ANKRD31: variants seen among roughly 807,000 people sequenced by gnomAD.
The protein encoded by ANKRD31 is ankyrin repeat domain 31, also known as ankyrin repeat domain-containing protein 31.
ANKRD31 carries 147 observed loss-of-function variants against 186.0 expected under a neutral mutation model. That is an observed-to-expected ratio of 0.79 (90% CI 0.69 to 0.91). The LOEUF (loss-of-function observed/expected upper bound fraction) is 0.91, where lower values mean the gene tolerates loss of function less well. ANKRD31 is among the 40% of genes least tolerant of loss of function. The pLI, the probability that ANKRD31 is intolerant of heterozygous loss-of-function variation, is 0.00. For missense variants in ANKRD31, 1,986 were observed against 2,148.8 expected, an observed-to-expected ratio of 0.92 and a Z score of 1.50; for synonymous variants, 673 against 736.4, an observed-to-expected ratio of 0.91 and a Z score of 1.39.
Position 75,116,584 on chromosome 5 carries a change from T to C in ANKRD31, c.4137A>G (p.Ser1379=). 2 of 1,440,054 alleles carry C rather than the reference T, an allele frequency of 1.4e-6. No individual in the cohort carries two copies. Among genetic ancestry groups the C allele is most frequent in the Non-Finnish European group, 9.2e-7 (1 of 1,090,818 alleles). 89.2% of individuals were successfully genotyped at this position (1,440,054 alleles called of 1,614,324 possible). The change falls in exon 19 of 26, where the codon TCA becomes TCG. Residue 1379 remains serine (S), a synonymous_variant. Transcript: ENST00000506364. ...DSSSLSHQER[S]RESLSVHQTL... ...CACTCACCACAGAAAGGCTTTCTCTTGATCTTTCTTGGTGTGAAAGGGAAG... is the reference window on the plus strand; with the variant it reads ...CACTCACCACAGAAAGGCTTTCTCTCGATCTTTCTTGGTGTGAAAGGGAAG...
chr5:75,230,240 A>G lies in ANKRD31; in HGVS notation c.178+322T>C, dbSNP rs971403961. Among the ~76,000 whole-genome samples the G allele has an allele frequency of 3.9e-5, 6 of 152,216 alleles. No homozygotes were observed. In the East Asian group the frequency reaches 9.7e-4, roughly 25 times the overall value. ...CCAGGATAGGCTTTGGTCACACTCA[A>G]CCCTGAAGTGGAATAACTGGGTTAA... On this transcript the variant is annotated intron_variant, in intron 2 of 25. Transcript: ENST00000506364.
chr5:75,139,385 A>G (rs1359453778), intron 15 of ANKRD31, among the ~76,000 whole-genome samples: 1 of 152,212 alleles, frequency 6.6e-6, no homozygotes, highest in African/African-American at 2.4e-5. Flanking sequence ...CATAGGTGCC[A>G]AGTAACAAAC....
chr5:75,148,700 G>A (rs941264767), intron 12 of ANKRD31, 72 bp from the exon 13 acceptor site: 2 of 1,164,086 alleles, frequency 1.7e-6, no homozygotes, highest in Admixed American at 2.9e-5. Context: ...AAACCCACCA[G>A]TCCTTTGCCA....
At chr5:75,211,242 C>T (rs904149131) in intron 3 of ANKRD31, among the ~76,000 whole-genome samples, 3 of 152,156 alleles carry the variant, frequency 2.0e-5, no homozygotes, top group Non-Finnish European at 4.4e-5. Flanking sequence ...ATAAGAGATA[C>T]AAAATTTTAA....
chr5:75,160,440 A>C (rs1017423311), intron 11 of ANKRD31, among the ~76,000 whole-genome samples: 1 of 152,246 alleles, frequency 6.6e-6, no homozygotes, highest in Non-Finnish European at 1.5e-5. Context: ...AAAAGATGAG[A>C]TAGACTGAAA....
chr5:75,123,204 C>CA (rs1748935900), intron 17 of ANKRD31, among the ~76,000 whole-genome samples: 1 of 150,588 alleles, frequency 6.6e-6, no homozygotes, highest in African/African-American at 2.4e-5. Flanking sequence ...ACAATAGCTA[C>CA]AAAAAATAAA....
intron 6 of ANKRD31, among the ~76,000 whole-genome samples, chr5:75,197,980 C>G (rs1020913102): frequency 2.0e-5 from 3 of 152,084 alleles, no homozygotes; most frequent in African/African-American, 7.2e-5. Context: ...AACCTTGAAC[C>G]AAGAAGACAG....
chr5:75,089,526 TTACTC>T (rs1745767721), intron 23 of ANKRD31, among the ~76,000 whole-genome samples: 1 of 152,038 alleles, frequency 6.6e-6, no homozygotes, highest in Non-Finnish European at 1.5e-5. Flanking sequence ...AATTCAGGAG[TTACTC>T]CAAGACAAGA....
intron 15 of ANKRD31, among the ~76,000 whole-genome samples, chr5:75,140,720 C>T (rs1750990896): frequency 6.6e-6 from 1 of 152,184 alleles, no homozygotes; most frequent in Non-Finnish European, 1.5e-5. Context: ...TGCAAGTAGC[C>T]ATGTTGGAGA....
intron 2 of ANKRD31, among the ~76,000 whole-genome samples, chr5:75,223,063 G>A (rs747136897): frequency 6.6e-6 from 1 of 152,176 alleles, no homozygotes; most frequent in African/African-American, 2.4e-5. Flanking sequence ...CGCACCAACA[G>A]TGTAAAAGCA....
At chr5:75,188,353 G>A (rs984649174) in intron 10 of ANKRD31, 140 bp downstream of exon 10, 3 of 754,386 alleles carry the variant, frequency 4.0e-6, no homozygotes, top group South Asian at 2.4e-5. Context: ...ATGGTGATGA[G>A]CTACTTCAAC....
At chr5:75,161,013 A>G (rs6894048) in intron 11 of ANKRD31, among the ~76,000 whole-genome samples, 77,238 of 151,994 alleles carry the variant, frequency 0.51, 22,684 homozygotes, top group African/African-American at 0.82. Flanking sequence ...GTCTTTATCA[A>G]CAGTGTAAAA....
At chr5:75,096,668 T>A (rs1033849795) in intron 22 of ANKRD31, among the ~76,000 whole-genome samples, 16 of 137,090 alleles carry the variant, frequency 1.2e-4, no homozygotes, top group East Asian at 5.8e-4. Context: ...TTAAAAAAAT[T>A]TTTTTTTTAT....
At chr5:75,180,935 G>A (rs1343372520) in intron 10 of ANKRD31, among the ~76,000 whole-genome samples, 3 of 152,024 alleles carry the variant, frequency 2.0e-5, no homozygotes, top group South Asian at 4.2e-4. Flanking sequence ...CACCATCAGA[G>A]TGAACAGGCA....
intron 3 of ANKRD31, 63 bp downstream of exon 3, chr5:75,222,186 C>T: frequency 1.7e-6 from 2 of 1,167,490 alleles, no homozygotes; most frequent in Non-Finnish European, 2.3e-6. Flanking sequence ...TAGTAATTTG[C>T]CACTCTGAGC....
intron 10 of ANKRD31, among the ~76,000 whole-genome samples, chr5:75,186,821 A>C (rs919484609): frequency 6.6e-6 from 1 of 152,168 alleles, no homozygotes; most frequent in Non-Finnish European, 1.5e-5. Context: ...CATTTTGTTC[A>C]TTTCTCACAG....
intron 11 of ANKRD31, among the ~76,000 whole-genome samples, chr5:75,166,518 C>T (rs1752936428): frequency 1.3e-5 from 2 of 152,052 alleles, no homozygotes; most frequent in Non-Finnish European, 2.9e-5. Flanking sequence ...TGTAGACACA[C>T]ATAAAATGAA....
intron 3 of ANKRD31, among the ~76,000 whole-genome samples, chr5:75,213,256 T>C (rs1490501546): frequency 2.6e-5 from 4 of 152,318 alleles, no homozygotes; most frequent in Non-Finnish European, 1.5e-5. Flanking sequence ...TGCAAAGTAA[T>C]TTTTCAAATA....
intron 3 of ANKRD31, among the ~76,000 whole-genome samples, chr5:75,220,510 T>C (rs569186575): frequency 6.6e-6 from 1 of 151,810 alleles, no homozygotes; most frequent in Non-Finnish European, 1.5e-5. Flanking sequence ...AGCATGATGG[T>C]GCATGCCTGT....
Sources: gnomAD v4.1 joint callset for allele counts (sites outside exome capture counted in the v4.1 genomes callset) on GRCh38, gnomAD v4.1.1 for gene constraint, MANE v1.5 for transcripts, NCBI Gene and HGNC (gene_info 2026-07-23, HGNC 2026-07-21) for gene names.